The following LAMA2 variants were observed in gnomAD, a reference collection of about 807,000 sequenced individuals.
LAMA2 encodes laminin subunit alpha 2, also known as laminin subunit alpha-2.
A neutral mutation model predicts 364.8 loss-of-function variants in LAMA2; 269 were observed. That is an observed-to-expected ratio of 0.74 (90% CI 0.67 to 0.82). The LOEUF (loss-of-function observed/expected upper bound fraction) is 0.82. LAMA2 is among the 40% of genes least tolerant of loss of function. The pLI, the probability that LAMA2 is intolerant of heterozygous loss-of-function variation, is 0.00. For synonymous variants in LAMA2, 1,379 were observed against 1,370.6 expected, an observed-to-expected ratio of 1.01 and a Z score of -0.14; for missense variants, 3,807 against 3,873.2, an observed-to-expected ratio of 0.98 and a Z score of 0.45.
rs910710434 is a variant in LAMA2, at chr6:129,433,354, C to T, written c.5969-5292C>T. On this transcript the variant is annotated intron_variant, in intron 41 of 64. Transcript: ENST00000421865. ...GTAGATTTCAACTTCTATTCTTCCT[C>T]ACTCGGGTGCTCTTCTTTCCTACCC... 7.2e-5 allele frequency among the ~76,000 whole-genome samples: 11 copies of T among 152,270 alleles called. No homozygotes were observed. In the East Asian group the frequency reaches 2.1e-3, roughly 29 times the overall value.
chr6:129,116,135 ATTTC>A (rs1039053342), intron 4 of LAMA2, among the ~76,000 whole-genome samples: 19 of 152,138 alleles, frequency 1.2e-4, no homozygotes, highest in Admixed American at 9.8e-4. Context: ...GTAGAGAATC[ATTTC>A]TTTCTGAGCT....
chr6:129,153,068 T>C (rs1778908447), intron 7 of LAMA2, among the ~76,000 whole-genome samples: 1 of 152,198 alleles, frequency 6.6e-6, no homozygotes, highest in Non-Finnish European at 1.5e-5. Flanking sequence ...TGCATCGATA[T>C]ATTTCCCTGG....
At chr6:129,193,116 A>G (rs1481204174) in intron 12 of LAMA2, among the ~76,000 whole-genome samples, 1 of 152,188 alleles carries the variant, frequency 6.6e-6, no homozygotes, top group Non-Finnish European at 1.5e-5. Context: ...TGAAGCCGCT[A>G]GTGTATTTTC....
At chr6:128,941,258 C>T (rs1780137261) in intron 1 of LAMA2, among the ~76,000 whole-genome samples, 1 of 152,162 alleles carries the variant, frequency 6.6e-6, no homozygotes, top group Admixed American at 6.5e-5. Flanking sequence ...CAAACACTGA[C>T]TGATTGTCTA....
chr6:129,115,342 C>T (rs879665901), intron 4 of LAMA2, among the ~76,000 whole-genome samples: 1 of 152,042 alleles, frequency 6.6e-6, no homozygotes, highest in Non-Finnish European at 1.5e-5. Context: ...AATAAATTTT[C>T]AGCTTGACTT....
intron 1 of LAMA2, among the ~76,000 whole-genome samples, chr6:129,012,394 C>A (rs1275817527): frequency 6.6e-6 from 1 of 151,970 alleles, no homozygotes; most frequent in Admixed American, 6.6e-5. Context: ...ACTGTCATCA[C>A]CTTTGTTTCT....
intron 2 of LAMA2, among the ~76,000 whole-genome samples, chr6:129,052,338 C>CGG (rs935321289): frequency 3.5e-5 from 5 of 142,968 alleles, no homozygotes; most frequent in Admixed American, 7.2e-5. Context: ...TTAGTTGAGA[C>CGG]GGGGTTTCAC....
At chr6:129,051,395 C>T (rs181327725) in intron 2 of LAMA2, among the ~76,000 whole-genome samples, 117 of 149,296 alleles carry the variant, frequency 7.8e-4, no homozygotes, top group African/African-American at 2.4e-3. Context: ...TCACTGCAAC[C>T]GCCATCTCCC....
At chr6:129,009,070 G>C (rs1784611344) in intron 1 of LAMA2, among the ~76,000 whole-genome samples, 1 of 152,124 alleles carries the variant, frequency 6.6e-6, no homozygotes, top group South Asian at 2.1e-4. Context: ...AAGTAAGTAT[G>C]ATGAATTTTG....
chr6:129,078,691 C>T (rs1773823844), intron 3 of LAMA2, among the ~76,000 whole-genome samples: 1 of 152,048 alleles, frequency 6.6e-6, no homozygotes, highest in Non-Finnish European at 1.5e-5. Flanking sequence ...TTATCTTAGC[C>T]ACTTTTAAGT....
At position 129,305,626 on chromosome 6, in the gene LAMA2, T is replaced by A. The variant is rs114259395; in HGVS notation, c.3174+4754T>A. On this transcript the variant is annotated intron_variant, in intron 22 of 64. Coordinates refer to ENST00000421865, the MANE Select transcript of LAMA2 (RefSeq NM_000426.4). ...ATGCCTAGCTTAATGTGTGTGTGTGTGAGAGAGAGACAGAGAGAGAGAGTG... is the reference window on the plus strand; with the variant it reads ...ATGCCTAGCTTAATGTGTGTGTGTGAGAGAGAGAGACAGAGAGAGAGAGTG... Among the ~76,000 whole-genome samples the A allele has an allele frequency of 1.7e-3, 265 of 152,150 alleles. 1 individual carries two copies. The highest frequency in any genetic ancestry group is 5.9e-3 in the African/African-American group (246 of 41,512).
At chr6:129,126,115 T>C (rs1777102376) in intron 4 of LAMA2, among the ~76,000 whole-genome samples, 2 of 152,194 alleles carry the variant, frequency 1.3e-5, no homozygotes, top group Non-Finnish European at 2.9e-5. Context: ...ATCATTTCAG[T>C]ATAAAATCTC....
intron 40 of LAMA2, among the ~76,000 whole-genome samples, chr6:129,407,901 AT>A (rs1780326541): frequency 6.6e-6 from 1 of 152,062 alleles, no homozygotes; most frequent in Non-Finnish European, 1.5e-5. Flanking sequence ...TAGTAGACTG[AT>A]TTCACCTTGA....
At chr6:129,455,090 A>G (rs1210999430) in intron 47 of LAMA2, among the ~76,000 whole-genome samples, 1 of 152,102 alleles carries the variant, frequency 6.6e-6, no homozygotes, top group Non-Finnish European at 1.5e-5. Flanking sequence ...AGAAAGAGCC[A>G]TGTGCAATGG....
chr6:128,973,089 G>GA (rs200130489), intron 1 of LAMA2, among the ~76,000 whole-genome samples: 3,575 of 152,000 alleles, frequency 0.024, 130 homozygotes, highest in African/African-American at 0.083. Flanking sequence ...ATATTGCAAT[G>GA]AAAAAAAAGT....
chr6:129,083,980 T>C (rs1774224442), intron 3 of LAMA2, among the ~76,000 whole-genome samples: 1 of 152,162 alleles, frequency 6.6e-6, no homozygotes, highest in Non-Finnish European at 1.5e-5. Context: ...CGCAGGTGTA[T>C]TGCCTGTTCA....
intron 3 of LAMA2, among the ~76,000 whole-genome samples, chr6:129,083,555 A>G (rs187454912): frequency 6.6e-6 from 1 of 152,234 alleles, no homozygotes; most frequent in African/African-American, 2.4e-5. Context: ...ACAAAAAACA[A>G]CACCAAATCA....
At chr6:128,988,099 C>T (rs1386102187) in intron 1 of LAMA2, among the ~76,000 whole-genome samples, 3 of 152,128 alleles carry the variant, frequency 2.0e-5, no homozygotes, top group Admixed American at 6.5e-5. Context: ...CTCCTGACCT[C>T]GGGTAATCTG....
intron 10 of LAMA2, among the ~76,000 whole-genome samples, chr6:129,189,159 C>G (rs537099468): frequency 6.6e-6 from 1 of 152,012 alleles, no homozygotes; most frequent in Admixed American, 6.6e-5. Context: ...TTGAGCAATA[C>G]TTTTTTGTGG....
Sources: gnomAD v4.1 joint callset for allele counts (sites outside exome capture counted in the v4.1 genomes callset) on GRCh38, gnomAD v4.1.1 for gene constraint, MANE v1.5 for transcripts, NCBI Gene and HGNC (gene_info 2026-07-23, HGNC 2026-07-21) for gene names.